The following OSBPL10 variants were observed in gnomAD, a reference collection of about 807,000 sequenced individuals.
The protein encoded by OSBPL10 is oxysterol-binding protein-related protein 10.
OSBPL10 carries 49 observed loss-of-function variants against 81.7 expected under a neutral mutation model. The ratio of observed to expected loss-of-function variants is 0.60; its 90% CI spans 0.48 to 0.76. OSBPL10 has a LOEUF of 0.76. Ranked by LOEUF, OSBPL10 falls within the 30% of genes least tolerant of loss-of-function variation. The pLI is 0.00. For synonymous variants in OSBPL10, 419 were observed against 383.6 expected (o/e 1.09, Z -1.08); for missense variants, 923 against 987.8 (o/e 0.93, Z 0.88).
intron 1 of OSBPL10, among the ~76,000 whole-genome samples, chr3:31,935,516 T>A (rs1179050425): frequency 1.4e-5 from 1 of 73,698 alleles, no homozygotes; most frequent in African/African-American, 1.0e-4. Context: ...TGAAATAGAT[T>A]TTTTTTTTTT....
intron 1 of OSBPL10, among the ~76,000 whole-genome samples, chr3:32,059,228 G>A (rs1268727774): frequency 6.6e-6 from 1 of 152,172 alleles, no homozygotes; most frequent in Non-Finnish European, 1.5e-5. Flanking sequence ...CCTGGGAGGT[G>A]GAGGTTGCAG....
intron 3 of OSBPL10, among the ~76,000 whole-genome samples, chr3:31,870,691 T>C (rs7651556): frequency 0.4 from 60,557 of 151,772 alleles, 13,118 homozygotes; most frequent in African/African-American, 0.57. Context: ...CAGCACCCTG[T>C]GTCTACCTCA....
intron 3 of OSBPL10, among the ~76,000 whole-genome samples, chr3:31,869,868 A>T (rs113235110): frequency 3.9e-5 from 6 of 152,378 alleles, no homozygotes; most frequent in African/African-American, 1.4e-4. Context: ...ACTAGTATAA[A>T]GTATTAATTA....
At chr3:31,732,815 C>G (rs1383882084) in intron 6 of OSBPL10, 1 of 213,154 alleles carries the variant, frequency 4.7e-6, no homozygotes, top group Admixed American at 5.7e-5. Context: ...GGCCATGGCC[C>G]CACAGATCCC....
chr3:31,927,670 C>A (rs1231932876), intron 1 of OSBPL10, among the ~76,000 whole-genome samples: 1 of 152,192 alleles, frequency 6.6e-6, no homozygotes, highest in East Asian at 1.9e-4. Flanking sequence ...CAGGGTCACC[C>A]AATAAACAGC....
intron 1 of OSBPL10, among the ~76,000 whole-genome samples, chr3:31,930,493 C>T (rs1181474238): frequency 3.9e-5 from 6 of 152,062 alleles, no homozygotes; most frequent in Admixed American, 3.9e-4. Context: ...GGTGCACATG[C>T]GAGAAAGTAT....
intron 1 of OSBPL10, among the ~76,000 whole-genome samples, chr3:31,941,913 A>T (rs952992509): frequency 6.6e-6 from 1 of 152,214 alleles, no homozygotes; most frequent in East Asian, 1.9e-4. Context: ...TCACCATTCC[A>T]GAACTATTAT....
chr3:31,922,616 CT>C (rs940458400), intron 1 of OSBPL10, among the ~76,000 whole-genome samples: 81 of 151,082 alleles, frequency 5.4e-4, no homozygotes, highest in African/African-American at 1.9e-3. Flanking sequence ...AAAACTCCAT[CT>C]AAAAAAAAAA....
At chr3:31,689,189 T>C (rs1407149482) in intron 7 of OSBPL10, among the ~76,000 whole-genome samples, 1 of 152,068 alleles carries the variant, frequency 6.6e-6, no homozygotes, top group African/African-American at 2.4e-5. Flanking sequence ...AAAACCTGAC[T>C]TGAACTCTTC....
intron 6 of OSBPL10, among the ~76,000 whole-genome samples, chr3:31,713,385 A>C (rs949701677): frequency 6.6e-6 from 1 of 151,506 alleles, no homozygotes. Context: ...TCTTTTTTTA[A>C]TTTTATTTTA....
intron 1 of OSBPL10, among the ~76,000 whole-genome samples, chr3:31,953,851 CAG>C (rs1666372986): frequency 6.6e-6 from 1 of 152,130 alleles, no homozygotes. Context: ...GTGTGTGTGA[CAG>C]AGAGACAGAG....
chr3:31,672,652 G>C (rs1334692745), intron 8 of OSBPL10, among the ~76,000 whole-genome samples: 1 of 152,090 alleles, frequency 6.6e-6, no homozygotes, highest in African/African-American at 2.4e-5. Context: ...GACACACTAG[G>C]CTTGTCCGAA....
intron 1 of OSBPL10, among the ~76,000 whole-genome samples, chr3:31,883,806 G>C (rs544284357): frequency 2.6e-5 from 4 of 152,206 alleles, no homozygotes; most frequent in Non-Finnish European, 5.9e-5. Context: ...TTACAGGCAT[G>C]AGCCACCGTG....
At chr3:31,947,334 A>G (rs1017664750) in intron 1 of OSBPL10, among the ~76,000 whole-genome samples, 2 of 152,168 alleles carry the variant, frequency 1.3e-5, no homozygotes, top group Non-Finnish European at 2.9e-5. Context: ...ACATCACCAA[A>G]GCTGGAGGTG....
intron 11 of OSBPL10, chr3:31,663,743 C>T: frequency 8.5e-7 from 1 of 1,176,234 alleles, no homozygotes; most frequent in Non-Finnish European, 1.1e-6. Context: ...CTAACAGGTG[C>T]CATGATGATT....
At chr3:31,671,601 C>T (rs532228749) in intron 8 of OSBPL10, among the ~76,000 whole-genome samples, 1 of 152,164 alleles carries the variant, frequency 6.6e-6, no homozygotes, top group African/African-American at 2.4e-5. Context: ...AGAAATCAGG[C>T]TGTACAGCTG....
At chr3:31,908,173 G>A (rs1325583203) in intron 1 of OSBPL10, among the ~76,000 whole-genome samples, 1 of 152,168 alleles carries the variant, frequency 6.6e-6, no homozygotes, top group African/African-American at 2.4e-5. Flanking sequence ...GAACAAGGGG[G>A]AAGTGATGGG....
At chr3:31,840,752 C>T (rs986222227) in intron 3 of OSBPL10, among the ~76,000 whole-genome samples, 1 of 152,210 alleles carries the variant, frequency 6.6e-6, no homozygotes, top group Admixed American at 6.5e-5. Flanking sequence ...TTCTCCTGTG[C>T]TTTTTATAAG....
chr3:32,065,955 GAAA>G lies in OSBPL10; in HGVS notation n.185+11438_185+11440del, dbSNP rs1699774160. 5.2e-5 allele frequency among the ~76,000 whole-genome samples: 2 copies of G among 38,126 alleles called. 1 individual carries two copies. The highest frequency in any genetic ancestry group is 1.3e-4 in the Non-Finnish European group (2 of 15,642). 25.0% of individuals were successfully genotyped at this position (38,126 alleles called of 152,430 possible). On this transcript the variant is annotated intron_variant and non_coding_transcript_variant, in intron 1 of 3. Transcript: ENST00000479173. ...AAGGAAAGAAGAAAGAAGAAAGAAA[GAAA>G]GAAAGAAAGAAAGAAAGAAAGAAAG...
Sources: allele counts gnomAD v4.1 joint callset (sites outside exome capture counted in the v4.1 genomes callset), GRCh38; gene constraint gnomAD v4.1.1; transcripts MANE v1.5; gene names NCBI Gene and HGNC (gene_info 2026-07-23, HGNC 2026-07-21).